The following ST3GAL6 variants were observed in gnomAD, a reference collection of about 807,000 sequenced individuals.
ST3GAL6 encodes the protein type 2 lactosamine alpha-2,3-sialyltransferase.
A neutral mutation model predicts 40.5 loss-of-function variants in ST3GAL6; 31 were observed. The ratio of observed to expected loss-of-function variants is 0.77; its 90% CI spans 0.58 to 1.03. The LOEUF is 1.03. ST3GAL6 is among the 50% of genes least tolerant of loss of function. The pLI is 0.00. For missense variants in ST3GAL6, 357 were observed against 393.2 expected (o/e 0.91, Z 0.78); for synonymous variants, 129 against 136.9 (o/e 0.94, Z 0.40).
chr3:98,788,546 A>G (rs901921122), intron 8 of ST3GAL6, 83 bp downstream of exon 8: 1 of 1,297,102 alleles, frequency 7.7e-7, no homozygotes, highest in African/African-American at 1.5e-5. Flanking sequence ...CAGAAACTGT[A>G]TGAGAACCAC....
At chr3:98,775,500 G>A (rs915800285) in intron 5 of ST3GAL6, among the ~76,000 whole-genome samples, 2 of 151,356 alleles carry the variant, frequency 1.3e-5, no homozygotes, top group East Asian at 3.9e-4. Flanking sequence ...AGATAATTGT[G>A]AGTCCTTGCA....
At chr3:98,767,130 A>G (rs958524646) in intron 1 of ST3GAL6, among the ~76,000 whole-genome samples, 1 of 152,228 alleles carries the variant, frequency 6.6e-6, no homozygotes, top group Non-Finnish European at 1.5e-5. Context: ...TAATAGCAGC[A>G]AGAACCAACA....
chr3:98,745,522 A>G lies in ST3GAL6; in HGVS notation c.-12+12990A>G, dbSNP rs921317586. 3.9e-5 allele frequency among the ~76,000 whole-genome samples: 6 copies of G among 152,252 alleles called. No homozygotes were observed. The Middle Eastern group carries it at 0.014, about 345-fold the overall frequency. Reference sequence around the variant, plus strand: ...TAGCACAGACTGTCCTTTGGTCTTTAATGTCCTCAGCCTAGAGTGGATGTA... The same window carrying G: ...TAGCACAGACTGTCCTTTGGTCTTTGATGTCCTCAGCCTAGAGTGGATGTA... On this transcript the variant is annotated intron_variant, in intron 1 of 9. Coordinates refer to the ST3GAL6 transcript ENST00000265261.
intron 1 of ST3GAL6, among the ~76,000 whole-genome samples, chr3:98,750,385 A>G (rs758379810): frequency 1.3e-5 from 2 of 152,180 alleles, no homozygotes; most frequent in African/African-American, 2.4e-5. Flanking sequence ...CACTTAACCT[A>G]TTTATTAATC....
At chr3:98,792,134 GC>G in intron 9 of ST3GAL6, 141 bp downstream of exon 9, 1 of 692,334 alleles carries the variant, frequency 1.4e-6, no homozygotes, top group Non-Finnish European at 2.1e-6. Flanking sequence ...TGATTACAGG[GC>G]TACCAAGGGC....
chr3:98,781,692 C>T (rs1940144003), intron 5 of ST3GAL6, among the ~76,000 whole-genome samples: 1 of 152,160 alleles, frequency 6.6e-6, no homozygotes, highest in South Asian at 2.1e-4. Flanking sequence ...GCCCCTGAGG[C>T]ACCTGGGCTC....
intron 3 of ST3GAL6, among the ~76,000 whole-genome samples, chr3:98,771,515 C>T (rs1358559626): frequency 6.6e-6 from 1 of 152,080 alleles, no homozygotes; most frequent in Non-Finnish European, 1.5e-5. Context: ...GATTGCTGGT[C>T]AAAATGCTCT....
At position 98,794,010 on chromosome 3, in the gene ST3GAL6, G is replaced by T; in HGVS notation, c.*249G>T. 1 of 283,122 alleles carries T rather than the reference G, an allele frequency of 3.5e-6. No homozygotes were observed. Among genetic ancestry groups the T allele is most frequent in the Non-Finnish European group, 6.6e-6 (1 of 152,310 alleles). 17.5% of individuals were successfully genotyped at this position (283,122 alleles called of 1,614,324 possible). A position where few individuals can be genotyped will look rare whatever the true frequency, so the allele number is the denominator to read the frequency against. ...TTTTAAAATAAGCTAGTTTTCTGAG[G>T]TGTTTTCACACGTCTTTTTATAGTT... On this transcript the variant is annotated 3_prime_UTR_variant, in exon 10 of 10. Coordinates refer to ENST00000483910, the MANE Select transcript of ST3GAL6 (RefSeq NM_001323368.2).
At chr3:98,744,256 A>T (rs1423067543) in intron 1 of ST3GAL6, among the ~76,000 whole-genome samples, 1 of 152,204 alleles carries the variant, frequency 6.6e-6, no homozygotes, top group Non-Finnish European at 1.5e-5. Context: ...ACTGTGAGAC[A>T]GTAAATATCG....
intron 5 of ST3GAL6, chr3:98,782,919 TC>T: frequency 1.3e-5 from 3 of 228,688 alleles, no homozygotes; most frequent in South Asian, 5.0e-5. Flanking sequence ...GAAGTGTTAC[TC>T]AGCTCAGTCT....
Position 98,783,826 on chromosome 3 carries a change from A to G in ST3GAL6, c.336-1119A>G, listed in dbSNP as rs923990344. 6.8e-5 allele frequency: 22 copies of G among 321,852 alleles called. No individual in the cohort carries two copies. In the Admixed American group the frequency reaches 9.1e-4, roughly 13 times the overall value. The allele number at this position is 321,852 out of a possible 1,614,324, so 19.9% of individuals were successfully genotyped here. A position where few individuals can be genotyped will look rare whatever the true frequency, so the allele number is the denominator to read the frequency against. On this transcript the variant is annotated intron_variant, in intron 5 of 9. Coordinates refer to ENST00000483910, the MANE Select transcript of ST3GAL6 (RefSeq NM_001323368.2). ...AGAGCATAGAGCTTCCAATTAAAAT[A>G]TGTTAAAAGTATTTTTTAAATTTTA... is the stretch of plus-strand genomic sequence containing the variant.
chr3:98,738,072 G>A (rs1199272727), intron 1 of ST3GAL6, among the ~76,000 whole-genome samples: 1 of 151,296 alleles, frequency 6.6e-6, no homozygotes, highest in Non-Finnish European at 1.5e-5. Context: ...AGATCTGGTT[G>A]TTTAGCCTCC....
chr3:98,754,064 A>G (rs1024286780), intron 1 of ST3GAL6, among the ~76,000 whole-genome samples: 2 of 152,028 alleles, frequency 1.3e-5, no homozygotes, highest in Non-Finnish European at 2.9e-5. Context: ...AAGTCTTATT[A>G]TTTAAGAAAT....
rs140191507 is a variant in ST3GAL6, at chr3:98,776,676, C to T, written c.335+2693C>T. On this transcript the variant is annotated intron_variant, in intron 5 of 9. Coordinates refer to ENST00000483910, the MANE Select transcript of ST3GAL6 (RefSeq NM_001323368.2). ...TTGCTCTCTGCTCATTTTTTCCTACCTGTGCTCTAGAAGGTGCTCGACGTA... is the reference window on the plus strand; with the variant it reads ...TTGCTCTCTGCTCATTTTTTCCTACTTGTGCTCTAGAAGGTGCTCGACGTA... Among the ~76,000 whole-genome samples, 346 of 152,246 alleles carry T rather than the reference C, an allele frequency of 2.3e-3. 4 individuals are homozygous for T. The highest frequency in any genetic ancestry group is 0.013 in the East Asian group (70 of 5,192).
At chr3:98,792,421 G>A (rs1439202839) in intron 9 of ST3GAL6, among the ~76,000 whole-genome samples, 1 of 151,974 alleles carries the variant, frequency 6.6e-6, no homozygotes, top group Non-Finnish European at 1.5e-5. Flanking sequence ...GATCAAAAAG[G>A]TTACCAACTT....
intron 1 of ST3GAL6, among the ~76,000 whole-genome samples, chr3:98,752,446 T>A (rs945781449): frequency 2.6e-5 from 4 of 151,708 alleles, no homozygotes; most frequent in Admixed American, 2.0e-4. Flanking sequence ...AAATATATAT[T>A]TTTTTCTTTC....
At chr3:98,763,730 G>T (rs1351198729) in intron 1 of ST3GAL6, among the ~76,000 whole-genome samples, 2 of 142,170 alleles carry the variant, frequency 1.4e-5, no homozygotes, top group Admixed American at 6.9e-5. Flanking sequence ...GGATCCTAGT[G>T]ACTAAAAAAA....
chr3:98,772,703 G>T, intron 3 of ST3GAL6, 110 bp from the exon 4 acceptor site: 1 of 611,148 alleles, frequency 1.6e-6, no homozygotes. Flanking sequence ...TTTTTGTATA[G>T]CCAGTATAAT....
At chr3:98,750,630 A>G (rs1936937465) in intron 1 of ST3GAL6, among the ~76,000 whole-genome samples, 1 of 151,532 alleles carries the variant, frequency 6.6e-6, no homozygotes. Flanking sequence ...TGCCCTAGAC[A>G]TGCTGAATCA....
Sources: allele counts gnomAD v4.1 joint callset (sites outside exome capture counted in the v4.1 genomes callset), GRCh38; gene constraint gnomAD v4.1.1; transcripts MANE v1.5; gene names NCBI Gene and HGNC (gene_info 2026-07-23, HGNC 2026-07-21).